Variants in SEMA6D observed in about 807,000 individuals in gnomAD.
The protein encoded by SEMA6D is semaphorin 6D, also known as semaphorin-6D.
Under a neutral mutation model 106.6 loss-of-function variants are expected in SEMA6D, and 35 were observed. That is an observed-to-expected ratio of 0.33 (90% CI 0.25 to 0.44). The LOEUF (loss-of-function observed/expected upper bound fraction) is 0.44. Ranked by LOEUF, SEMA6D falls within the 20% of genes least tolerant of loss-of-function variation. SEMA6D has a pLI of 1.00. For synonymous variants in SEMA6D, 499 were observed against 487.7 expected, an observed-to-expected ratio of 1.02 and a Z score of -0.31; for missense variants, 1,185 against 1,345.9, an observed-to-expected ratio of 0.88 and a Z score of 1.87.
At chr15:47,236,862 A>G (rs1220887965) in intron 1 of SEMA6D, among the ~76,000 whole-genome samples, 1 of 152,168 alleles carries the variant, frequency 6.6e-6, no homozygotes, top group East Asian at 1.9e-4. Context: ...ATATAGTTCA[A>G]ATCACTAATT....
intron 3 of SEMA6D, among the ~76,000 whole-genome samples, chr15:47,494,491 A>G (rs2043574065): frequency 6.6e-6 from 1 of 151,772 alleles, no homozygotes; most frequent in Non-Finnish European, 1.5e-5. Context: ...GTTTTTCTGT[A>G]CTGAAATTCA....
chr15:47,386,714 G>A (rs2039851411), intron 1 of SEMA6D, among the ~76,000 whole-genome samples: 1 of 152,222 alleles, frequency 6.6e-6, no homozygotes, highest in Non-Finnish European at 1.5e-5. Flanking sequence ...CCAGGTTTCA[G>A]AGGGCAATAG....
chr15:47,476,335 A>C (rs1322363475), intron 3 of SEMA6D, among the ~76,000 whole-genome samples: 1 of 152,178 alleles, frequency 6.6e-6, no homozygotes, highest in African/African-American at 2.4e-5. Context: ...GAACTTTATA[A>C]TCTTAAAATA....
intron 1 of SEMA6D, among the ~76,000 whole-genome samples, chr15:47,354,691 T>C (rs139288228): frequency 2.3e-4 from 35 of 152,120 alleles, no homozygotes; most frequent in African/African-American, 8.2e-4. Context: ...ATCAGCTGAA[T>C]GGTGCCCACA....
chr15:47,241,070 A>G (rs1240216304), intron 1 of SEMA6D, among the ~76,000 whole-genome samples: 1 of 152,188 alleles, frequency 6.6e-6, no homozygotes, highest in African/African-American at 2.4e-5. Flanking sequence ...TCTCCTAGCA[A>G]GGAAGGGACC....
intron 1 of SEMA6D, among the ~76,000 whole-genome samples, chr15:47,361,180 C>T (rs1231947618): frequency 1.3e-5 from 2 of 152,226 alleles, no homozygotes; most frequent in Non-Finnish European, 2.9e-5. Context: ...ACACTCACCA[C>T]TCTGCATTTT....
intron 3 of SEMA6D, chr15:47,525,352 A>G (rs572374458): frequency 6.6e-6 from 1 of 152,354 alleles, no homozygotes; most frequent in African/African-American, 2.4e-5. Context: ...GAGACACCTT[A>G]GAAGGTGCCC....
intron 1 of SEMA6D, among the ~76,000 whole-genome samples, chr15:47,249,824 C>T (rs972242367): frequency 9.2e-5 from 14 of 152,308 alleles, no homozygotes; most frequent in Admixed American, 6.5e-5. Context: ...TAATAAGCCT[C>T]TCAGCTACAA....
intron 3 of SEMA6D, among the ~76,000 whole-genome samples, chr15:47,600,021 A>G (rs16959742): frequency 0.17 from 26,565 of 151,932 alleles, 2,704 homozygotes; most frequent in African/African-American, 0.26. Context: ...TTTTTTTTTC[A>G]AATCCTGGAG....
At chr15:47,595,978 C>G (rs2076528972) in intron 3 of SEMA6D, among the ~76,000 whole-genome samples, 1 of 151,896 alleles carries the variant, frequency 6.6e-6, no homozygotes. Flanking sequence ...TAAAAGGCAT[C>G]TAAGTAAGAA....
intron 3 of SEMA6D, among the ~76,000 whole-genome samples, chr15:47,529,318 AGAGGCAGGT>A (rs2142037934): frequency 6.6e-6 from 1 of 152,226 alleles, no homozygotes; most frequent in African/African-American, 2.4e-5. Flanking sequence ...AAGTGGGAGG[AGAGGCAGGT>A]GAGGCAGGTA....
intron 1 of SEMA6D, among the ~76,000 whole-genome samples, chr15:47,409,907 G>T (rs140987596): frequency 4.0e-5 from 6 of 151,392 alleles, no homozygotes; most frequent in African/African-American, 1.2e-4. Flanking sequence ...TGTGGGGGGG[G>T]TGGGGAGGCA....
At chr15:47,730,984 C>A (rs2146673737) in intron 1 of SEMA6D, 2 of 646,044 alleles carry the variant, frequency 3.1e-6, no homozygotes, top group Admixed American at 2.6e-5. Context: ...ATTACCTAAG[C>A]AGTACAATCA....
chr15:47,325,640 C>G (rs941208014), intron 1 of SEMA6D, among the ~76,000 whole-genome samples: 2 of 152,144 alleles, frequency 1.3e-5, no homozygotes, highest in African/African-American at 4.8e-5. Flanking sequence ...TATGTTGTTC[C>G]CTTGGCCACC....
rs533558347 is a variant in SEMA6D at position 47,650,028 on chromosome 15, TACC to T, written c.-55+49139_-55+49141del. 1.3e-4 allele frequency among the ~76,000 whole-genome samples: 20 copies of T among 152,312 alleles called. No individual in the cohort carries two copies. In the East Asian group the frequency reaches 3.7e-3, roughly 28 times the overall value. On this transcript the variant is annotated intron_variant, in intron 4 of 19. Transcript: ENST00000558014. Reference sequence around the variant, plus strand: ...TGGCCCCACATGCCCTCTTCTCAGCTACCACCACCTCTGCATAGACAACATATA... The same window carrying T: ...TGGCCCCACATGCCCTCTTCTCAGCTACCACCTCTGCATAGACAACATATA...
chr15:47,227,419 C>CTCTCTCTCTCTTTCTTTCTTTCTTTCTT (rs141918693), intron 1 of SEMA6D, among the ~76,000 whole-genome samples: 2 of 115,426 alleles, frequency 1.7e-5, no homozygotes, highest in South Asian at 2.8e-4. Context: ...TTCTTTCTTT[C>CTCTCTCTCTCTTTCTTTCTTTCTTTCTT]TCTTTCTTTC....
intron 1 of SEMA6D, among the ~76,000 whole-genome samples, chr15:47,347,033 C>A (rs1344587786): frequency 6.6e-6 from 1 of 152,060 alleles, no homozygotes. Flanking sequence ...CTCAACCTCC[C>A]AAGTAGCTGC....
At chr15:47,695,376 C>T (rs999046753) in intron 4 of SEMA6D, among the ~76,000 whole-genome samples, 6 of 152,120 alleles carry the variant, frequency 3.9e-5, no homozygotes, top group Non-Finnish European at 8.8e-5. Flanking sequence ...CCTTCCTTTG[C>T]AAGGTGCCAG....
chr15:47,199,747 C>G (rs1032484210), intron 1 of SEMA6D, among the ~76,000 whole-genome samples: 6 of 152,080 alleles, frequency 3.9e-5, no homozygotes, highest in African/African-American at 1.4e-4. Flanking sequence ...TCTCTCCTGC[C>G]TTCTCAGTAC....
Sources: gnomAD v4.1 joint callset for allele counts (sites outside exome capture counted in the v4.1 genomes callset) on GRCh38, gnomAD v4.1.1 for gene constraint, MANE v1.5 for transcripts, NCBI Gene and HGNC (gene_info 2026-07-23, HGNC 2026-07-21) for gene names.